The following NME7 variants were observed in gnomAD, a reference collection of about 807,000 sequenced individuals.
NME7 encodes NME/NM23 family member 7.
NME7 carries 41 observed loss-of-function variants against 49.1 expected under a neutral mutation model. That is an observed-to-expected ratio of 0.83 (90% CI 0.65 to 1.08). The LOEUF is 1.08. Ranked by LOEUF, NME7 falls within the 50% of genes least tolerant of loss-of-function variation. The pLI is 0.00. For missense variants in NME7, 423 were observed against 463.4 expected (o/e 0.91, Z 0.80); for synonymous variants, 139 against 150.6 (o/e 0.92, Z 0.56).
At chr1:169,136,099 C>T (rs1018409097) in intron 11 of NME7, among the ~76,000 whole-genome samples, 4 of 119,422 alleles carry the variant, frequency 3.3e-5, no homozygotes, top group African/African-American at 5.7e-5. Context: ...TTAAAACAGC[C>T]AGCCACATAT....
At chr1:169,198,140 A>T (rs1040657048) in intron 10 of NME7, among the ~76,000 whole-genome samples, 2 of 152,136 alleles carry the variant, frequency 1.3e-5, no homozygotes, top group Non-Finnish European at 2.9e-5. Flanking sequence ...AATGCAAATT[A>T]AAACCACAAT....
At chr1:169,240,724 C>T (rs899899296) in intron 7 of NME7, among the ~76,000 whole-genome samples, 5 of 151,798 alleles carry the variant, frequency 3.3e-5, no homozygotes, top group Non-Finnish European at 7.4e-5. Flanking sequence ...TTTCATTATA[C>T]GTCAAAAATC....
intron 3 of NME7, among the ~76,000 whole-genome samples, chr1:169,315,996 C>G (rs1434275855): frequency 6.6e-6 from 1 of 151,480 alleles, no homozygotes; most frequent in Non-Finnish European, 1.5e-5. Context: ...GTGTGTCTAG[C>G]AATAGTATCA....
chr1:169,314,627 T>A (rs906405172), intron 3 of NME7, among the ~76,000 whole-genome samples: 36 of 152,006 alleles, frequency 2.4e-4, no homozygotes, highest in African/African-American at 6.5e-4. Flanking sequence ...TATAAAAAAA[T>A]TTTTTTAAAA....
chr1:169,192,744 T>C (rs530339331), intron 10 of NME7, among the ~76,000 whole-genome samples: 2 of 152,210 alleles, frequency 1.3e-5, no homozygotes, highest in African/African-American at 4.8e-5. Context: ...AACTTAGTTA[T>C]GGTAACTTGA....
rs79188850 is a variant in NME7, at chr1:169,269,736, C to T, written c.754+17567G>A. ...ACCAGTCTCATTTTAATTCTTATAC[C>T]AGAGCCAATTCTGATGCTAAATTTA... On this transcript the variant is annotated intron_variant, in intron 7 of 11. Transcript: ENST00000367811. Among the ~76,000 whole-genome samples the T allele has an allele frequency of 8.3e-3, 1,102 of 133,460 alleles. 130 individuals are homozygous for T. Among genetic ancestry groups the T allele is most frequent in the African/African-American group, 0.027 (1,054 of 39,542 alleles). The allele number at this position is 133,460 out of a possible 152,430, so 87.6% of individuals were successfully genotyped here.
At chr1:169,135,014 C>CAAAAAAAAAAAAAAAAAAAAAA (rs58463903) in intron 11 of NME7, among the ~76,000 whole-genome samples, 2 of 50,388 alleles carry the variant, frequency 4.0e-5, no homozygotes, top group African/African-American at 1.5e-4. Context: ...CCCGTCTCTA[C>CAAAAAAAAAAAAAAAAAAAAAA]AAAAAAAAAA....
At chr1:169,319,627 G>A (rs1651779606) in intron 3 of NME7, among the ~76,000 whole-genome samples, 1 of 152,104 alleles carries the variant, frequency 6.6e-6, no homozygotes, top group Admixed American at 6.5e-5. Context: ...CTGCTGTGAT[G>A]GAGCCTCAAA....
chr1:169,319,486 C>T (rs1178344156), intron 3 of NME7, among the ~76,000 whole-genome samples: 1 of 152,160 alleles, frequency 6.6e-6, no homozygotes, highest in African/African-American at 2.4e-5. Context: ...AATCTCCCTA[C>T]CTCCAGGGAG....
chr1:169,243,941 C>G (rs1267395435), intron 7 of NME7, among the ~76,000 whole-genome samples: 1 of 151,934 alleles, frequency 6.6e-6, no homozygotes, highest in Non-Finnish European at 1.5e-5. Flanking sequence ...ATTTCAAACC[C>G]AGTTTTGCTT....
At chr1:169,244,523 C>A (rs1313753565) in intron 7 of NME7, among the ~76,000 whole-genome samples, 1 of 150,882 alleles carries the variant, frequency 6.6e-6, no homozygotes, top group East Asian at 2.0e-4. Flanking sequence ...GTAGTCCCAG[C>A]TACTCGGGAG....
At chr1:169,322,728 TACAA>T (rs1183640917) in intron 3 of NME7, among the ~76,000 whole-genome samples, 7 of 151,952 alleles carry the variant, frequency 4.6e-5, no homozygotes, top group Middle Eastern at 6.8e-3. Flanking sequence ...CAGCATTAGT[TACAA>T]ACAATCTAGG....
intron 7 of NME7, among the ~76,000 whole-genome samples, chr1:169,279,506 G>A (rs968176638): frequency 3.3e-5 from 5 of 152,194 alleles, no homozygotes; most frequent in Admixed American, 3.3e-4. Context: ...TGCGGGATAT[G>A]ACCTTCTGGT....
intron 10 of NME7, among the ~76,000 whole-genome samples, chr1:169,212,292 A>C (rs1447667714): frequency 6.6e-6 from 1 of 152,118 alleles, no homozygotes; most frequent in African/African-American, 2.4e-5. Flanking sequence ...AAATTATTTA[A>C]TAAATTGCTA....
intron 10 of NME7, among the ~76,000 whole-genome samples, chr1:169,198,108 C>T (rs529510771): frequency 1.3e-5 from 2 of 152,078 alleles, no homozygotes; most frequent in East Asian, 1.9e-4. Flanking sequence ...AAAAGATACT[C>T]GATATCACTA....
At chr1:169,156,693 A>G (rs916710057) in intron 11 of NME7, among the ~76,000 whole-genome samples, 12 of 152,226 alleles carry the variant, frequency 7.9e-5, no homozygotes, top group Non-Finnish European at 1.5e-4. Flanking sequence ...ACTGTACTTG[A>G]GAAACAGAAA....
intron 1 of NME7, among the ~76,000 whole-genome samples, chr1:169,335,880 A>G (rs1652446046): frequency 2.0e-5 from 3 of 151,482 alleles, no homozygotes; most frequent in African/African-American, 7.3e-5. Flanking sequence ...GGTGAGTGAA[A>G]AGTGGCTTCT....
intron 11 of NME7, among the ~76,000 whole-genome samples, chr1:169,166,214 G>C (rs190130019): frequency 2.6e-5 from 4 of 152,038 alleles, no homozygotes; most frequent in Admixed American, 1.3e-4. Context: ...TTCAAACCTA[G>C]TTGATAGGTC....
intron 7 of NME7, among the ~76,000 whole-genome samples, chr1:169,239,348 TCACACA>T (rs1459329478): frequency 6.6e-6 from 1 of 151,966 alleles, no homozygotes; most frequent in African/African-American, 2.4e-5. Flanking sequence ...TAAGATATTT[TCACACA>T]AGAAGCAATG....
Sources: allele counts gnomAD v4.1 joint callset (sites outside exome capture counted in the v4.1 genomes callset), GRCh38; gene constraint gnomAD v4.1.1; transcripts MANE v1.5; gene names NCBI Gene and HGNC (gene_info 2026-07-23, HGNC 2026-07-21).